The following BACH2 variants were observed in gnomAD, a reference collection of about 807,000 sequenced individuals.
BACH2 encodes the protein transcription regulator protein BACH2.
BACH2 carries 5 observed loss-of-function variants against 61.8 expected under a neutral mutation model. The ratio of observed to expected loss-of-function variants is 0.08; its 90% CI spans 0.04 to 0.17. BACH2 has a LOEUF of 0.17. Ranked by LOEUF, BACH2 falls within the 10% of genes least tolerant of loss-of-function variation. The probability of loss-of-function intolerance (pLI) is 1.00; values close to 1 mark genes in which losing one functional copy is unlikely to be tolerated. For synonymous variants in BACH2, 446 were observed against 440.1 expected (o/e 1.01, Z -0.17); for missense variants, 824 against 1,091.1 (o/e 0.76, Z 3.45).
chr6:89,940,045 C>G (rs1773326858), intron 7 of BACH2, among the ~76,000 whole-genome samples: 1 of 151,670 alleles, frequency 6.6e-6, no homozygotes, highest in South Asian at 2.1e-4. Context: ...GAGTCTCGGT[C>G]TGTCACCCAG....
At chr6:90,147,769 G>A (rs1433825268) in intron 4 of BACH2, among the ~76,000 whole-genome samples, 1 of 152,122 alleles carries the variant, frequency 6.6e-6, no homozygotes, top group Non-Finnish European at 1.5e-5. Flanking sequence ...TATCACAAGT[G>A]CACAGCTTTT....
chr6:90,186,012 C>T (rs1582461943), intron 4 of BACH2, among the ~76,000 whole-genome samples: 1 of 152,070 alleles, frequency 6.6e-6, no homozygotes, highest in East Asian at 1.9e-4. Flanking sequence ...TAATAGGCTA[C>T]TTTTAAAAAA....
chr6:90,008,871 G>C lies in BACH2; in HGVS notation c.-12-15C>G, dbSNP rs1183474000. 3 of 1,608,204 alleles carry C rather than the reference G, an allele frequency of 1.9e-6. No individual in the cohort carries two copies. The highest frequency in any genetic ancestry group is 2.2e-5 in the South Asian group (2 of 90,758). The stretch of plus-strand genomic sequence containing the variant: ...CCGTTCACACCCTGAAAGAAAGAAA[G>C]AAACAAAGAAAGAAAGAAAGAAAGG... On this transcript the variant is annotated splice_polypyrimidine_tract_variant and intron_variant, in intron 5 of 8. Transcript: ENST00000257749. This position sits in a 1 kb window ranked among gnomAD's most constrained non-coding sequence, Gnocchi z 4.1.
chr6:90,008,980 A>AGT lies in BACH2; in HGVS notation c.-12-125_-12-124insAC. The stretch of plus-strand genomic sequence containing the variant: ...TGTGTCCCACTGCCATGAGCATGGC[A>AGT]GGAAGGAGGGGAATTACCAATCAGC... On this transcript the variant is annotated intron_variant, in intron 5 of 8. Transcript: ENST00000257749. The surrounding 1 kb of genome is among the most constrained non-coding windows in gnomAD (Gnocchi z 4.1). 10 of 1,178,396 alleles carry AGT rather than the reference A, an allele frequency of 8.5e-6. No individual in the cohort carries two copies. The highest frequency in any genetic ancestry group is 1.6e-5 in the South Asian group (1 of 63,094). 73.0% of individuals were successfully genotyped at this position (1,178,396 alleles called of 1,614,324 possible).
chr6:90,014,224 T>C (rs984397960), intron 5 of BACH2, among the ~76,000 whole-genome samples: 8 of 151,716 alleles, frequency 5.3e-5, no homozygotes, highest in Admixed American at 5.3e-4. Context: ...AGGGTAATGA[T>C]GATCTCATAA....
chr6:90,252,260 A>G (rs1156263380), intron 3 of BACH2, among the ~76,000 whole-genome samples: 1 of 152,160 alleles, frequency 6.6e-6, no homozygotes, highest in African/African-American at 2.4e-5. Flanking sequence ...AGACTTGATA[A>G]TATCACCTGC....
At chr6:90,088,843 C>T (rs1004123791) in intron 5 of BACH2, 118 bp downstream of exon 5, 4 of 152,178 alleles carry the variant, frequency 2.6e-5, no homozygotes, top group Admixed American at 2.6e-4. Flanking sequence ...GATAACTCTC[C>T]AGCTCCTTTG....
intron 4 of BACH2, among the ~76,000 whole-genome samples, chr6:90,169,149 C>A (rs1767727625): frequency 6.6e-6 from 1 of 150,706 alleles, no homozygotes. Flanking sequence ...CAGTTGCTTT[C>A]TCTCAGGTTA....
intron 1 of BACH2, among the ~76,000 whole-genome samples, chr6:90,296,128 C>G (rs2127897458): frequency 6.6e-6 from 1 of 152,128 alleles, no homozygotes; most frequent in African/African-American, 2.4e-5. Context: ...GCAGCCCGCC[C>G]TCCCCATGCC....
At chr6:90,243,140 C>T (rs1449138383) in intron 3 of BACH2, among the ~76,000 whole-genome samples, 3 of 150,884 alleles carry the variant, frequency 2.0e-5, no homozygotes, top group Non-Finnish European at 2.9e-5. Context: ...GTGCTCCGCC[C>T]GCCTCAGCCT....
At chr6:89,964,483 A>G (rs1774938074) in intron 6 of BACH2, among the ~76,000 whole-genome samples, 1 of 152,214 alleles carries the variant, frequency 6.6e-6, no homozygotes, top group Non-Finnish European at 1.5e-5. Context: ...GTCTTGAAAT[A>G]TTTTGGACCG....
chr6:90,121,798 G>A (rs951960663), intron 4 of BACH2, among the ~76,000 whole-genome samples: 4 of 152,152 alleles, frequency 2.6e-5, no homozygotes, highest in South Asian at 2.1e-4. Flanking sequence ...CGCCCACCTC[G>A]GCCTCCCAAA....
chr6:89,960,730 AG>A (rs1287371867), intron 6 of BACH2, among the ~76,000 whole-genome samples: 24 of 152,246 alleles, frequency 1.6e-4, no homozygotes, highest in African/African-American at 5.5e-4. Flanking sequence ...CTTAGAATCT[AG>A]AAGACAAAGC....
intron 4 of BACH2, among the ~76,000 whole-genome samples, chr6:90,172,184 TA>T (rs1220565883): frequency 6.6e-6 from 1 of 151,384 alleles, no homozygotes; most frequent in African/African-American, 2.4e-5. Flanking sequence ...CATGCGCCTG[TA>T]ATCCCAGCTA....
chr6:89,986,943 A>G (rs573911921), intron 6 of BACH2, among the ~76,000 whole-genome samples: 41 of 152,326 alleles, frequency 2.7e-4, no homozygotes, highest in Admixed American at 1.1e-3. Flanking sequence ...AGACAGTAAA[A>G]TTGAGCAATG....
chr6:90,139,244 G>A (rs77582892), intron 4 of BACH2, among the ~76,000 whole-genome samples: 6,390 of 151,896 alleles, frequency 0.042, 144 homozygotes, highest in Middle Eastern at 0.082. Flanking sequence ...CTTTCTCTAC[G>A]TCTTCTAGTC....
chr6:90,012,090 C>T (rs1468339693), intron 5 of BACH2, among the ~76,000 whole-genome samples: 1 of 151,908 alleles, frequency 6.6e-6, no homozygotes, highest in African/African-American at 2.4e-5. Context: ...GCCACTGTAC[C>T]CAGCCTCTAT....
intron 1 of BACH2, among the ~76,000 whole-genome samples, chr6:90,280,209 C>G (rs982143228): frequency 5.9e-5 from 9 of 151,960 alleles, no homozygotes; most frequent in Admixed American, 5.9e-4. Flanking sequence ...AACAGGTATT[C>G]AGAACCCTAA....
At chr6:90,201,345 T>TG (rs1290925377) in intron 4 of BACH2, among the ~76,000 whole-genome samples, 1 of 152,218 alleles carries the variant, frequency 6.6e-6, no homozygotes, top group Non-Finnish European at 1.5e-5. Flanking sequence ...CCAACTTCAC[T>TG]GGGTAAATGT....
Sources: allele counts gnomAD v4.1 joint callset (sites outside exome capture counted in the v4.1 genomes callset), GRCh38; gene constraint gnomAD v4.1.1; non-coding constraint Gnocchi (gnomAD v3.1); transcripts MANE v1.5; gene names NCBI Gene and HGNC (gene_info 2026-07-23, HGNC 2026-07-21).